CDYL: variants seen among roughly 807,000 people sequenced by gnomAD.
CDYL encodes chromodomain Y-like protein.
A neutral mutation model predicts 47.3 loss-of-function variants in CDYL; 8 were observed. The observed-to-expected ratio is 0.17, with a 90% CI of 0.10 to 0.31. The LOEUF is 0.31. Ranked by LOEUF, CDYL falls within the 10% of genes least tolerant of loss-of-function variation. The probability of loss-of-function intolerance (pLI) is 1.00; values close to 1 mark genes in which losing one functional copy is unlikely to be tolerated. For synonymous variants in CDYL, 266 were observed against 265.0 expected, an observed-to-expected ratio of 1.00 and a Z score of -0.04; for missense variants, 471 against 701.4, an observed-to-expected ratio of 0.67 and a Z score of 3.71.
At chr6:4,812,859 C>T (rs1759567176) in intron 1 of CDYL, among the ~76,000 whole-genome samples, 1 of 151,970 alleles carries the variant, frequency 6.6e-6, no homozygotes, top group South Asian at 2.1e-4. Flanking sequence ...TTCTTCTGTC[C>T]TTGAGTAAAG....
chr6:4,786,585 C>T (rs1463345677), intron 1 of CDYL, among the ~76,000 whole-genome samples: 3 of 152,198 alleles, frequency 2.0e-5, no homozygotes, highest in Admixed American at 2.0e-4. Flanking sequence ...TTTCTGTCTG[C>T]AGTCATCTTA....
At position 4,776,666 on chromosome 6, in the gene CDYL, C is replaced by A; in HGVS notation, c.-118C>A. ...GGCTCGTCCGTGCCCAGCGCCCGGC[C>A]GGCCGCGGGAGCAGGAAGCGCAGGC... On this transcript the variant is annotated 5_prime_UTR_variant, in exon 1 of 7. Coordinates refer to ENST00000397588, the MANE Select transcript of CDYL (RefSeq NM_004824.4). 1 of 919,716 alleles carries A rather than the reference C, an allele frequency of 1.1e-6. No homozygotes were observed. The highest frequency in any genetic ancestry group is 1.4e-6 in the Non-Finnish European group (1 of 696,398). 57.0% of individuals were successfully genotyped at this position (919,716 alleles called of 1,614,324 possible).
Position 4,859,897 on chromosome 6 carries a change from C to CT in CDYL, c.25-31807dup, listed in dbSNP as rs1304100780. Among the ~76,000 whole-genome samples the CT allele has an allele frequency of 1.1e-3, 159 of 147,258 alleles. 1 individual carries two copies. The highest frequency in any genetic ancestry group is 2.7e-3 in the African/African-American group (103 of 38,634). On this transcript the variant is annotated intron_variant, in intron 1 of 6. Transcript: ENST00000397588. ...ACAGTTCATAAGGATCTTTTTTTGT[C>CT]TTTTTTTTTCTTTTTTTTTTTGGAG... is the stretch of plus-strand genomic sequence containing the variant.
At chr6:4,934,782 C>G (rs924956201) in intron 2 of CDYL, among the ~76,000 whole-genome samples, 1 of 151,344 alleles carries the variant, frequency 6.6e-6, no homozygotes, top group Non-Finnish European at 1.5e-5. Context: ...AGCAACATAG[C>G]AAGACCCCAT....
chr6:4,804,592 C>T (rs1177077396), intron 1 of CDYL, among the ~76,000 whole-genome samples: 16 of 152,192 alleles, frequency 1.1e-4, no homozygotes, highest in African/African-American at 3.4e-4. Flanking sequence ...TTTTGCTCAT[C>T]ACTCTCGCCC....
intron 1 of CDYL, among the ~76,000 whole-genome samples, chr6:4,865,241 C>T (rs1761287720): frequency 6.6e-6 from 1 of 152,156 alleles, no homozygotes; most frequent in South Asian, 2.1e-4. Flanking sequence ...CATCCTGGGT[C>T]ACCTGTTCTG....
rs1011404597 is a variant in CDYL, at chr6:4,892,063, A to G, written c.375A>G (p.Pro125=). 1 of 1,614,232 alleles carries G rather than the reference A, an allele frequency of 6.2e-7. No homozygotes were observed. Among genetic ancestry groups the G allele is most frequent in the South Asian group, 1.1e-5 (1 of 91,088 alleles). The change falls in exon 2 of 7, where the codon CCA becomes CCG. Residue 125 remains proline (P), a synonymous_variant. Transcript: ENST00000397588. Reference sequence around the variant, plus strand: ...AGAAGTTCAGGAAGAACACAGCTCCATCTCTCTCCAGCCGGAAGAACATGG... The same window carrying G: ...AGAAGTTCAGGAAGAACACAGCTCCGTCTCTCTCCAGCCGGAAGAACATGG... ...ASQKFRKNTA[P]SLSSRKNMDL...
intron 3 of CDYL, among the ~76,000 whole-genome samples, chr6:4,755,322 C>T (rs1223935201): frequency 5.3e-5 from 8 of 151,962 alleles, no homozygotes; most frequent in South Asian, 2.1e-4. Context: ...CCACCTGCCT[C>T]GGCCTCCCAA....
chr6:4,877,220 T>A (rs1761644371), intron 1 of CDYL, among the ~76,000 whole-genome samples: 1 of 152,236 alleles, frequency 6.6e-6, no homozygotes, highest in Non-Finnish European at 1.5e-5. Flanking sequence ...ATAGATATTA[T>A]CTCCCCATCT....
intron 3 of CDYL, among the ~76,000 whole-genome samples, chr6:4,752,836 A>ATGTGTGTGTG (rs35686534): frequency 4.0e-5 from 6 of 148,858 alleles, no homozygotes; most frequent in African/African-American, 1.5e-4. Flanking sequence ...AAGGAAAATA[A>ATGTGTGTGTG]TGTGTGTGTG....
At chr6:4,753,233 C>A (rs746113517) in intron 3 of CDYL, among the ~76,000 whole-genome samples, 3 of 152,160 alleles carry the variant, frequency 2.0e-5, no homozygotes, top group Middle Eastern at 3.4e-3. Flanking sequence ...TTTTAATGAT[C>A]TTTATTGTTT....
At chr6:4,780,562 C>T (rs549883776) in intron 1 of CDYL, among the ~76,000 whole-genome samples, 24 of 151,946 alleles carry the variant, frequency 1.6e-4, no homozygotes, top group Non-Finnish European at 3.1e-4. Context: ...AGTCACTGCA[C>T]CCGGCCTTCC....
chr6:4,837,828 C>T lies in CDYL; in HGVS notation c.25-53885C>T, dbSNP rs188199991. 2.0e-5 allele frequency among the ~76,000 whole-genome samples: 3 copies of T among 152,238 alleles called. No homozygotes were observed. The East Asian group carries it at 5.8e-4, about 29-fold the overall frequency. On this transcript the variant is annotated intron_variant, in intron 1 of 6. Coordinates refer to ENST00000397588, the MANE Select transcript of CDYL (RefSeq NM_004824.4). ...TTGCTCTGTCGCCCAGGCTGGAGTG[C>T]AGTGGCATGCACATGGCTCACTGCA...
intron 1 of CDYL, among the ~76,000 whole-genome samples, chr6:4,851,465 C>T (rs1372238086): frequency 6.6e-6 from 1 of 152,106 alleles, no homozygotes; most frequent in Non-Finnish European, 1.5e-5. Context: ...CTTTTGAGGT[C>T]TTCATTGTGG....
intron 1 of CDYL, among the ~76,000 whole-genome samples, chr6:4,788,026 C>T (rs1213089151): frequency 6.6e-6 from 1 of 151,814 alleles, no homozygotes; most frequent in Non-Finnish European, 1.5e-5. Context: ...CCCACCTTGG[C>T]CTTGCAAAGT....
Position 4,910,993 on chromosome 6 carries a change from C to G in CDYL, c.691+18614C>G, listed in dbSNP as rs540737861. Reference sequence around the variant, plus strand: ...GGACTACAGGCGCCTGCCACCACGCCCGGCTAATCTTTTTTTTGTATTTTT... The same window carrying G: ...GGACTACAGGCGCCTGCCACCACGCGCGGCTAATCTTTTTTTTGTATTTTT... On this transcript the variant is annotated intron_variant, in intron 2 of 6. Coordinates refer to ENST00000397588, the MANE Select transcript of CDYL (RefSeq NM_004824.4). Among the ~76,000 whole-genome samples the G allele has an allele frequency of 1.1e-4, 17 of 152,262 alleles. No homozygotes were observed. In the South Asian group the frequency reaches 3.3e-3, roughly 30 times the overall value.
At position 4,943,088 on chromosome 6, in the gene CDYL, T is replaced by C. The variant is rs111743716; in HGVS notation, c.1122-458T>C. ...ATCCCAGGGTTTTTGTGAACCCTAA[T>C]CCACCACCGTACACTTAACACCAGG... On this transcript the variant is annotated intron_variant, in intron 4 of 6. Coordinates refer to ENST00000397588, the MANE Select transcript of CDYL (RefSeq NM_004824.4). Among the ~76,000 whole-genome samples, 235 of 152,276 alleles carry C rather than the reference T, an allele frequency of 1.5e-3. 1 individual carries two copies. The highest frequency in any genetic ancestry group is 5.4e-3 in the African/African-American group (225 of 41,554).
intron 3 of CDYL, among the ~76,000 whole-genome samples, chr6:4,768,952 A>G (rs1758296321): frequency 6.6e-6 from 1 of 152,194 alleles, no homozygotes; most frequent in Non-Finnish European, 1.5e-5. Flanking sequence ...CATGAGACAA[A>G]TATCAGACAA....
rs1370431572 is a variant in CDYL, at chr6:4,915,430, G to A, written c.692-20085G>A. Among the ~76,000 whole-genome samples the A allele has an allele frequency of 2.6e-5, 4 of 152,142 alleles. No homozygotes were observed. The East Asian group carries it at 7.7e-4, about 29-fold the overall frequency. ...AGCCCTGCAGCTTGGAATGTGAACT[G>A]CCTCTTGGCCAAGGGGACCCTAAAG... is the stretch of plus-strand genomic sequence containing the variant. On this transcript the variant is annotated intron_variant, in intron 2 of 6. Coordinates refer to ENST00000397588, the MANE Select transcript of CDYL (RefSeq NM_004824.4).
Sources: allele counts gnomAD v4.1 joint callset (sites outside exome capture counted in the v4.1 genomes callset), GRCh38; gene constraint gnomAD v4.1.1; transcripts MANE v1.5; gene names NCBI Gene and HGNC (gene_info 2026-07-23, HGNC 2026-07-21).